The following TTF2 variants were observed in gnomAD, a reference collection of about 807,000 sequenced individuals.
The protein encoded by TTF2 is RNA polymerase II termination factor.
A neutral mutation model predicts 142.4 loss-of-function variants in TTF2; 108 were observed. The observed-to-expected ratio is 0.76, with a 90% CI of 0.65 to 0.89. TTF2 has a LOEUF of 0.89. Among genes scored for constraint, TTF2 ranks in the 40% least tolerant of loss-of-function variants. TTF2 has a pLI of 0.00. For synonymous variants in TTF2, 483 were observed against 506.2 expected, an observed-to-expected ratio of 0.95 and a Z score of 0.61; for missense variants, 1,327 against 1,379.8, an observed-to-expected ratio of 0.96 and a Z score of 0.61.
At chr1:117,082,315 C>T (rs1183270566) in intron 10 of TTF2, among the ~76,000 whole-genome samples, 8 of 152,100 alleles carry the variant, frequency 5.3e-5, no homozygotes, top group South Asian at 2.1e-4. Context: ...TTGGCTCAAG[C>T]GATCCTCCCA....
Position 117,104,312 on chromosome 1 carries a change from A to G in TTF2, c.*2788A>G, listed in dbSNP as rs1301296953. The G allele has an allele frequency of 6.6e-6, 1 of 152,224 alleles. No homozygotes were observed. Among genetic ancestry groups the G allele is most frequent in the African/African-American group, 2.4e-5 (1 of 41,460 alleles). 9.4% of individuals were successfully genotyped at this position (152,224 alleles called of 1,614,324 possible). On this transcript the variant is annotated 3_prime_UTR_variant, in exon 23 of 23. Transcript: ENST00000369466. ...CATGCTCCACTGGGAATTTCATAGC[A>G]AATATATATACTACAACATGGTTGA...
rs1448698840 is a variant in TTF2 at position 117,076,438 on chromosome 1, A to G, written c.1390+144A>G. ...CTGAGACTTCTTTCACATTACACCT[A>G]TGGTTCATAAAAAACTTTCTCCTGT... On this transcript the variant is annotated intron_variant, in intron 6 of 22. Coordinates refer to ENST00000369466, the MANE Select transcript of TTF2 (RefSeq NM_003594.4). This position sits in a 1 kb window ranked among gnomAD's most constrained non-coding sequence, Gnocchi z 4.6. The G allele has an allele frequency of 2.2e-6, 2 of 900,860 alleles. No individual in the cohort carries two copies. The highest frequency in any genetic ancestry group is 3.3e-6 in the Non-Finnish European group (2 of 597,846). The allele number at this position is 900,860 out of a possible 1,614,324, so 55.8% of individuals were successfully genotyped here. A position where few individuals can be genotyped will look rare whatever the true frequency, so the allele number is the denominator to read the frequency against.
chr1:117,086,272 CGT>C lies in TTF2; in HGVS notation c.2055-136_2055-135del, dbSNP rs2101095553. On this transcript the variant is annotated intron_variant, in intron 11 of 22. Transcript: ENST00000369466. This position sits in a 1 kb window ranked among gnomAD's most constrained non-coding sequence, Gnocchi z 4.2. Reference sequence around the variant, plus strand: ...ATGTGTGTGTGTGTGTGTGTGTGTGCGTGTGTGTGTTAAGGACACAAGTTAAT... The same window carrying C: ...ATGTGTGTGTGTGTGTGTGTGTGTGCGTGTGTGTTAAGGACACAAGTTAAT... 2.1e-6 allele frequency: 1 copy of C among 484,544 alleles called. No individual in the cohort carries two copies. The highest frequency in any genetic ancestry group is 3.8e-6 in the Non-Finnish European group (1 of 264,142). 30.0% of individuals were successfully genotyped at this position (484,544 alleles called of 1,614,324 possible). A position where few individuals can be genotyped will look rare whatever the true frequency, so the allele number is the denominator to read the frequency against.
intron 3 of TTF2, among the ~76,000 whole-genome samples, chr1:117,066,318 C>CTCT (rs1215613793): frequency 6.6e-6 from 1 of 152,136 alleles, no homozygotes; most frequent in Non-Finnish European, 1.5e-5. Context: ...CACCAACTTT[C>CTCT]TCTTAAGTGA....
In TTF2 at chr1:117,075,751, A is replaced by T. The variant is rs921180751; in HGVS notation, c.1167A>T (p.Arg389=). 46 of 1,614,052 alleles carry T rather than the reference A, an allele frequency of 2.8e-5. No homozygotes were observed. Among genetic ancestry groups the T allele is most frequent in the Non-Finnish European group, 3.8e-5 (45 of 1,180,030 alleles). The part of the protein sequence containing the change: ...ETKENLQFPD[R]SVQRKVSPAS... ...AGGAAAACCTCCAATTCCCTGATCG[A>T]AGTGTGCAAAGAAAGGTGTCTCCTG... is the stretch of plus-strand genomic sequence containing the variant. Residue 389 remains arginine (R), a synonymous_variant, in exon 5 of 23, where the codon CGA becomes CGT. Transcript: ENST00000369466. This position sits in a 1 kb window ranked among gnomAD's most constrained non-coding sequence, Gnocchi z 4.5.
chr1:117,092,834 C>T lies in TTF2; in HGVS notation c.2909C>T (p.Ser970Phe), dbSNP rs1648725002. The part of the protein sequence containing the change: ...LSELRDSEPS[S>F]TVSLNGTFFK... ...GAACTCCGTGACTCAGAGCCATCTT[C>T]CACTGTTTCCCTTAACGGCACCTTC... The change falls in exon 18 of 23, where the codon TCC (serine) becomes TTC (phenylalanine). Residue 970 changes from serine (S) to phenylalanine (F), a missense_variant. Coordinates refer to ENST00000369466, the MANE Select transcript of TTF2 (RefSeq NM_003594.4). The surrounding 1 kb of genome is among the most constrained non-coding windows in gnomAD (Gnocchi z 4.4). The T allele has an allele frequency of 1.2e-6, 2 of 1,614,072 alleles. No homozygotes were observed. The highest frequency in any genetic ancestry group is 1.1e-5 in the South Asian group (1 of 91,092).
At chr1:117,095,923 G>T (rs902961760) in intron 19 of TTF2, among the ~76,000 whole-genome samples, 2 of 151,928 alleles carry the variant, frequency 1.3e-5, no homozygotes, top group African/African-American at 4.8e-5. Context: ...ATTTTTTTCT[G>T]ACTTCATTTA....
Position 117,102,633 on chromosome 1 carries a change from T to C in TTF2, c.*1109T>C, listed in dbSNP as rs957832243. On this transcript the variant is annotated 3_prime_UTR_variant, in exon 23 of 23. Coordinates refer to ENST00000369466, the MANE Select transcript of TTF2 (RefSeq NM_003594.4). ...TGTATAATATTTGTGTCATTTTTAA[T>C]AGTATTTGTATTTTTACAAATTTGC... 2.6e-5 allele frequency: 4 copies of C among 152,262 alleles called. No homozygotes were observed. The highest frequency in any genetic ancestry group is 9.6e-5 in the African/African-American group (4 of 41,472). 9.4% of individuals were successfully genotyped at this position (152,262 alleles called of 1,614,324 possible).
In TTF2 at chr1:117,087,540, G is replaced by A. The variant is rs955076124; in HGVS notation, c.2160+1018G>A. Among the ~76,000 whole-genome samples the A allele has an allele frequency of 2.0e-5, 3 of 152,114 alleles. No individual in the cohort carries two copies. Among genetic ancestry groups the A allele is most frequent in the African/African-American group, 7.2e-5 (3 of 41,418 alleles). On this transcript the variant is annotated intron_variant, in intron 12 of 22. Transcript: ENST00000369466. This position sits in a 1 kb window ranked among gnomAD's most constrained non-coding sequence, Gnocchi z 4.8. Reference sequence around the variant, plus strand: ...ATTCCTGACCTCAAGTGATCCACCCGCCTCGGCCTCCCAAAGTGCTGGGAT... The same window carrying A: ...ATTCCTGACCTCAAGTGATCCACCCACCTCGGCCTCCCAAAGTGCTGGGAT...
At position 117,076,648 on chromosome 1, in the gene TTF2, T is replaced by G; in HGVS notation, c.1398T>G (p.Asn466Lys). The change falls in exon 7 of 23, where the codon AAT becomes AAG. Residue 466 changes from asparagine (N) to lysine (K), a missense_variant. Physicochemically the swap from Asn to Lys is moderately conservative, Grantham distance 94 (BLOSUM62 0). Coordinates refer to ENST00000369466, the MANE Select transcript of TTF2 (RefSeq NM_003594.4). The surrounding 1 kb of genome is among the most constrained non-coding windows in gnomAD (Gnocchi z 4.6). ...CCCTTGTTTTCTGAGCAGGAACTAA[T>G]GAGAAGAGTAACAGTCAAGTACCAC... ...GLTLSPEQGTNEKSNSQVPQQ... is the reference protein window; with the variant it reads ...GLTLSPEQGTKEKSNSQVPQQ... The G allele has an allele frequency of 6.2e-7, 1 of 1,609,862 alleles. No homozygotes were observed. The highest frequency in any genetic ancestry group is 1.3e-5 in the African/African-American group (1 of 74,964).
chr1:117,095,199 T>C (rs1649005256), intron 18 of TTF2, 110 bp from the exon 19 acceptor site: 2 of 958,894 alleles, frequency 2.1e-6, no homozygotes, highest in Non-Finnish European at 3.3e-6. Flanking sequence ...TAAAGACAGG[T>C]GAGGCCAGAG....
chr1:117,088,745 TA>T, intron 12 of TTF2, 55 bp from the exon 13 acceptor site: 2 of 1,578,892 alleles, frequency 1.3e-6, no homozygotes, highest in Non-Finnish European at 1.7e-6. Flanking sequence ...CTTGTGTCCT[TA>T]AGGACATGTA....
rs370138042 is a variant in TTF2, at chr1:117,086,386, A to G, written c.2055-31A>G. 6.6e-7 allele frequency: 1 copy of G among 1,521,580 alleles called. No homozygotes were observed. Among genetic ancestry groups the G allele is most frequent in the African/African-American group, 1.4e-5 (1 of 73,020 alleles). The allele number at this position is 1,521,580 out of a possible 1,614,324, so 94.3% of individuals were successfully genotyped here. A position where few individuals can be genotyped will look rare whatever the true frequency, so the allele number is the denominator to read the frequency against. On this transcript the variant is annotated intron_variant, in intron 11 of 22. Coordinates refer to ENST00000369466, the MANE Select transcript of TTF2 (RefSeq NM_003594.4). The surrounding 1 kb of genome is among the most constrained non-coding windows in gnomAD (Gnocchi z 4.2). ...CTCATTGTCCCTCTATAGTGGGACC[A>G]TTTATTGATTTCTTTGTTATGTCTA...
intron 3 of TTF2, among the ~76,000 whole-genome samples, chr1:117,071,207 C>G (rs959645736): frequency 6.6e-6 from 1 of 152,038 alleles, no homozygotes; most frequent in Non-Finnish European, 1.5e-5. Context: ...CACAGTTTCA[C>G]TCCTTGTGCC....
chr1:117,075,354 A>C lies in TTF2; in HGVS notation c.770A>C (p.Lys257Thr), dbSNP rs1656905623. 6.2e-7 allele frequency: 1 copy of C among 1,614,124 alleles called. No homozygotes were observed. The highest frequency in any genetic ancestry group is 1.3e-5 in the African/African-American group (1 of 74,942). The change falls in exon 5 of 23, where the codon AAG (lysine) becomes ACG (threonine). Residue 257 changes from lysine (K) to threonine (T), a missense_variant. Coordinates refer to ENST00000369466, the MANE Select transcript of TTF2 (RefSeq NM_003594.4). This position sits in a 1 kb window ranked among gnomAD's most constrained non-coding sequence, Gnocchi z 4.5. ...VQRESEPLRE[K>T]VTQLLPQNVH... ...AGAGAATCAGAACCTCTGAGAGAAA[A>C]GGTTACCCAGCTTTTGCCTCAAAAT...
rs773665871 is a variant in TTF2, at chr1:117,084,014, C to G, written c.1904-4C>G. The G allele has an allele frequency of 1.2e-5, 19 of 1,613,072 alleles. No individual in the cohort carries two copies. The highest frequency in any genetic ancestry group is 1.6e-5 in the Non-Finnish European group (19 of 1,179,670). ...CTAGGCACTGATTTTTTTCCCTTCT[C>G]AAGACTCTTGTGACTTTACTTCCCA... is the stretch of plus-strand genomic sequence containing the variant. On this transcript the variant is annotated splice_region_variant and splice_polypyrimidine_tract_variant and intron_variant, in intron 10 of 22. Transcript: ENST00000369466.
rs1647962560 is a variant in TTF2 at position 117,085,973 on chromosome 1, A to C, written c.2055-444A>C. Among the ~76,000 whole-genome samples the C allele has an allele frequency of 6.6e-6, 1 of 152,198 alleles. No individual in the cohort carries two copies. On this transcript the variant is annotated intron_variant, in intron 11 of 22. Coordinates refer to ENST00000369466, the MANE Select transcript of TTF2 (RefSeq NM_003594.4). This position sits in a 1 kb window ranked among gnomAD's most constrained non-coding sequence, Gnocchi z 4.7. ...TGATACAAGGTGAACAGTGTTTTGA[A>C]GTTATCTTTCTCCCCTGGGACTTTG...
Position 117,078,009 on chromosome 1 carries a change from A to T in TTF2, c.1667A>T (p.Glu556Val). The T allele has an allele frequency of 6.2e-7, 1 of 1,614,112 alleles. No homozygotes were observed. Among genetic ancestry groups the T allele is most frequent in the Non-Finnish European group, 8.5e-7 (1 of 1,179,998 alleles). ...CGCTCACTTGAGTCATGTCCTGGTG[A>T]GACGGTTGTGGCAGAAGATCCCGCC... Reference protein sequence around the residue: ...LHRSLESCPGETVVAEDPAGL... With the variant: ...LHRSLESCPGVTVVAEDPAGL... The change falls in exon 8 of 23, where the codon GAG becomes GTG. Residue 556 changes from glutamate (E) to valine (V), a missense_variant. Coordinates refer to ENST00000369466, the MANE Select transcript of TTF2 (RefSeq NM_003594.4).
chr1:117,062,178 T>C (rs1032617922), intron 2 of TTF2, among the ~76,000 whole-genome samples: 33 of 152,232 alleles, frequency 2.2e-4, no homozygotes, highest in African/African-American at 7.7e-4. Flanking sequence ...GAAACAGTTA[T>C]GCTTTATTTG....
Sources: gnomAD v4.1 joint callset for allele counts (sites outside exome capture counted in the v4.1 genomes callset) on GRCh38, gnomAD v4.1.1 for gene constraint, Gnocchi (gnomAD v3.1) non-coding constraint, MANE v1.5 for transcripts, NCBI Gene and HGNC (gene_info 2026-07-23, HGNC 2026-07-21) for gene names.